Variants in DNAH14 observed in about 807,000 individuals in gnomAD.
DNAH14 encodes axonemal beta dynein heavy chain 14.
DNAH14 carries 478 observed loss-of-function variants against 520.9 expected under a neutral mutation model. That is an observed-to-expected ratio of 0.92 (90% confidence interval 0.85 to 0.99). The LOEUF (loss-of-function observed/expected upper bound fraction) is 0.99. Among genes scored for constraint, DNAH14 ranks in the 50% least tolerant of loss-of-function variants. DNAH14 has a pLI of 0.00. For synonymous variants in DNAH14, 1,581 were observed against 1,757.2 expected (o/e 0.90, Z 2.51); for missense variants, 4,831 against 5,234.5 (o/e 0.92, Z 2.38).
At chr1:225,103,436 G>A (rs2148752545) in intron 23 of DNAH14, among the ~76,000 whole-genome samples, 1 of 152,244 alleles carries the variant, frequency 6.6e-6, no homozygotes, top group Middle Eastern at 3.4e-3. Flanking sequence ...GAAAGTCATT[G>A]GTAGCTTGAT....
In DNAH14 at chr1:225,290,643, GTGTGTATATA is replaced by G. The variant is rs1377385867; in HGVS notation, c.8469+563_8469+572del. Among the ~76,000 whole-genome samples the G allele has an allele frequency of 5.9e-3, 302 of 51,134 alleles. 7 individuals carry two copies. Among genetic ancestry groups the G allele is most frequent in the Non-Finnish European group, 6.5e-3 (201 of 31,102 alleles). 33.5% of individuals were successfully genotyped at this position (51,134 alleles called of 152,430 possible). A position where few individuals can be genotyped will look rare whatever the true frequency, so the allele number is the denominator to read the frequency against. ...TGTGTATAGATATATGTGTGTGTGT[GTGTGTATATA>G]TATATATATATATATATATATATAT... On this transcript the variant is annotated intron_variant, in intron 55 of 85. Transcript: ENST00000682510.
chr1:225,009,274 T>A (rs2064480388), intron 10 of DNAH14, among the ~76,000 whole-genome samples: 1 of 152,212 alleles, frequency 6.6e-6, no homozygotes. Flanking sequence ...CTTGAGTTAA[T>A]TTTTGTATAA....
intron 10 of DNAH14, among the ~76,000 whole-genome samples, chr1:225,010,942 T>C (rs2064670278): frequency 1.3e-5 from 2 of 152,094 alleles, no homozygotes; most frequent in African/African-American, 4.8e-5. Context: ...AGTAGTTGTC[T>C]CCCCTTCATC....
At chr1:224,976,305 T>C (rs940741482) in intron 8 of DNAH14, among the ~76,000 whole-genome samples, 1 of 152,154 alleles carries the variant, frequency 6.6e-6, no homozygotes, top group Non-Finnish European at 1.5e-5. Context: ...CTTGTTGATG[T>C]GTCTAATGTT....
rs536037278 is a variant in DNAH14, at chr1:225,280,878, T to C, written c.8271+3376T>C. ...AAAGGAGGAAAAACCTCAAAAATTT[T>C]ATGTTCAAGAAAACTATTTTAAAAA... On this transcript the variant is annotated intron_variant, in intron 54 of 85. Coordinates refer to ENST00000682510, the MANE Select transcript of DNAH14 (RefSeq NM_001367479.1). Among the ~76,000 whole-genome samples the C allele has an allele frequency of 4.6e-5, 7 of 152,300 alleles. No homozygotes were observed. In the East Asian group the frequency reaches 9.7e-4, roughly 21 times the overall value.
At chr1:225,132,228 G>A (rs553082572) in intron 27 of DNAH14, among the ~76,000 whole-genome samples, 1 of 151,992 alleles carries the variant, frequency 6.6e-6, no homozygotes, top group East Asian at 1.9e-4. Flanking sequence ...TTAAGTTCAG[G>A]GGTACATGTG....
intron 50 of DNAH14, among the ~76,000 whole-genome samples, chr1:225,271,291 A>T (rs1046785356): frequency 1.3e-5 from 2 of 152,178 alleles, no homozygotes; most frequent in African/African-American, 4.8e-5. Flanking sequence ...CTTCTAAAAC[A>T]GGATTTTTTT....
chr1:225,035,494 T>C (rs2148148199), intron 11 of DNAH14, among the ~76,000 whole-genome samples: 1 of 149,840 alleles, frequency 6.7e-6, no homozygotes. Context: ...GGTTGTTTAT[T>C]TGAAGTTTTT....
intron 46 of DNAH14, among the ~76,000 whole-genome samples, chr1:225,263,879 G>C (rs2093023433): frequency 6.6e-6 from 1 of 152,036 alleles, no homozygotes; most frequent in Non-Finnish European, 1.5e-5. Context: ...GGTCTTTGCT[G>C]AGTGATCCGT....
chr1:225,356,667 G>C (rs1334478738), intron 73 of DNAH14, among the ~76,000 whole-genome samples: 3 of 152,286 alleles, frequency 2.0e-5, no homozygotes, highest in Middle Eastern at 6.8e-3. Context: ...TATATGTGTT[G>C]AAAATATCTA....
intron 58 of DNAH14, among the ~76,000 whole-genome samples, chr1:225,305,861 A>C (rs1210532286): frequency 1.3e-5 from 2 of 152,234 alleles, no homozygotes; most frequent in Non-Finnish European, 2.9e-5. Flanking sequence ...AACTAATTAC[A>C]CTGACTGGGG....
In DNAH14 at chr1:225,346,093, C is replaced by G. The variant is rs1190576249; in HGVS notation, c.10810C>G (p.Leu3604Val). 6.4e-7 allele frequency: 1 copy of G among 1,551,564 alleles called. No homozygotes were observed. The highest frequency in any genetic ancestry group is 1.4e-5 in the African/African-American group (1 of 73,046). ...SEIQAIRKNY[L>V]PIATRGALLY... ...AATCCAAGCAATACGTAAAAACTAT[C>G]TCCCCATTGCGACCCGAGGCGCCCT... Residue 3604 changes from leucine to valine, a missense_variant, in exon 70 of 86, where the codon CTC (leucine) becomes GTC (valine). Physicochemically the swap from Leu to Val is conservative, Grantham distance 32. Transcript: ENST00000682510.
chr1:225,247,266 C>A (rs778446853), intron 43 of DNAH14, among the ~76,000 whole-genome samples: 2 of 150,260 alleles, frequency 1.3e-5, no homozygotes, highest in Non-Finnish European at 2.9e-5. Context: ...AGGACAAATA[C>A]CTAATGCATG....
chr1:225,266,082 A>G (rs1454318000), intron 48 of DNAH14, among the ~76,000 whole-genome samples: 4 of 152,132 alleles, frequency 2.6e-5, no homozygotes, highest in African/African-American at 9.6e-5. Flanking sequence ...TCAATGCACA[A>G]TATTTTCAAA....
intron 23 of DNAH14, among the ~76,000 whole-genome samples, chr1:225,108,539 C>A (rs576689856): frequency 6.6e-6 from 1 of 152,130 alleles, no homozygotes; most frequent in East Asian, 1.9e-4. Context: ...ATTTTAAAAT[C>A]AGATTATTAA....
chr1:225,148,059 T>A (rs972602819), intron 31 of DNAH14, among the ~76,000 whole-genome samples: 1 of 152,288 alleles, frequency 6.6e-6, no homozygotes, highest in Middle Eastern at 3.4e-3. Flanking sequence ...GTTGATTCCA[T>A]GTCTTTGCTA....
intron 15 of DNAH14, among the ~76,000 whole-genome samples, chr1:225,046,772 A>G (rs772916633): frequency 6.6e-6 from 1 of 151,926 alleles, no homozygotes; most frequent in Non-Finnish European, 1.5e-5. Flanking sequence ...TCCTGGGTTC[A>G]TTGATATTTA....
At chr1:225,234,412 T>A (rs1014094036) in intron 42 of DNAH14, among the ~76,000 whole-genome samples, 3 of 152,142 alleles carry the variant, frequency 2.0e-5, no homozygotes, top group African/African-American at 7.2e-5. Flanking sequence ...ATGGTCTCCA[T>A]CTCCTGACCT....
intron 54 of DNAH14, among the ~76,000 whole-genome samples, chr1:225,287,025 A>G (rs546607919): frequency 6.6e-6 from 1 of 152,326 alleles, no homozygotes; most frequent in East Asian, 1.9e-4. Context: ...CATTCTGGAA[A>G]AGGCAAAACT....
Sources: gnomAD v4.1 joint callset for allele counts (sites outside exome capture counted in the v4.1 genomes callset) on GRCh38, gnomAD v4.1.1 for gene constraint, MANE v1.5 for transcripts, NCBI Gene and HGNC (gene_info 2026-07-23, HGNC 2026-07-21) for gene names.